Variants in TPP2 observed in about 807,000 individuals in gnomAD.
TPP2 encodes the protein tripeptidyl-peptidase 2.
TPP2 carries 34 observed loss-of-function variants against 155.9 expected under a neutral mutation model. The ratio of observed to expected loss-of-function variants is 0.22; its 90% confidence interval spans 0.17 to 0.29. The LOEUF (loss-of-function observed/expected upper bound fraction) is 0.29. TPP2 is among the 10% of genes least tolerant of loss of function. TPP2 has a pLI of 1.00. For synonymous variants in TPP2, 510 were observed against 529.4 expected (o/e 0.96, Z 0.50); for missense variants, 1,028 against 1,522.3 (o/e 0.68, Z 5.40).
At chr13:102,675,975 T>G (rs1885259610) in intron 28 of TPP2, among the ~76,000 whole-genome samples, 1 of 152,192 alleles carries the variant, frequency 6.6e-6, no homozygotes, top group African/African-American at 2.4e-5. Context: ...CATTTTTTAT[T>G]TCTATCCTGA....
At chr13:102,631,719 G>A (rs1423320354) in intron 10 of TPP2, among the ~76,000 whole-genome samples, 1 of 152,230 alleles carries the variant, frequency 6.6e-6, no homozygotes, top group Non-Finnish European at 1.5e-5. Flanking sequence ...CAAAGCAGAT[G>A]TTCTAAGAAT....
intron 19 of TPP2, among the ~76,000 whole-genome samples, chr13:102,645,894 G>A (rs1256360194): frequency 6.6e-6 from 1 of 152,198 alleles, no homozygotes; most frequent in East Asian, 1.9e-4. Flanking sequence ...GAGCAGCAGG[G>A]GTCTGGGGAG....
chr13:102,622,874 T>C lies in TPP2; in HGVS notation c.621-3T>C. ...ACTGTCTCCATTTCTTTTTAATTAATAGAGCCTGCATTGATTCTAATGAAG... is the reference window on the plus strand; with the variant it reads ...ACTGTCTCCATTTCTTTTTAATTAACAGAGCCTGCATTGATTCTAATGAAG... On this transcript the variant is annotated splice_region_variant and splice_polypyrimidine_tract_variant and intron_variant, in intron 5 of 29. Transcript: ENST00000376052. 6.3e-7 allele frequency: 1 copy of C among 1,595,146 alleles called. No homozygotes were observed. Among genetic ancestry groups the C allele is most frequent in the East Asian group, 2.2e-5 (1 of 44,792 alleles).
intron 10 of TPP2, chr13:102,631,163 A>C (rs1302072143): frequency 6.6e-6 from 1 of 152,252 alleles, no homozygotes; most frequent in Admixed American, 6.5e-5. Context: ...AGTATGTTTG[A>C]AGTATAAGAT....
chr13:102,604,068 G>A (rs569128639), intron 1 of TPP2, among the ~76,000 whole-genome samples: 7 of 152,260 alleles, frequency 4.6e-5, no homozygotes, highest in South Asian at 4.1e-4. Context: ...GAACAGCTGG[G>A]CGTGGGGATT....
At chr13:102,630,755 A>G (rs1881961493) in intron 10 of TPP2, among the ~76,000 whole-genome samples, 1 of 152,240 alleles carries the variant, frequency 6.6e-6, no homozygotes, top group South Asian at 2.1e-4. Flanking sequence ...CTGAAGAGGT[A>G]TATTAAGTCC....
At chr13:102,632,098 A>G (rs1172412587) in intron 10 of TPP2, among the ~76,000 whole-genome samples, 1 of 152,214 alleles carries the variant, frequency 6.6e-6, no homozygotes, top group Non-Finnish European at 1.5e-5. Flanking sequence ...TACTAAAAAT[A>G]TAAAATTTAG....
chr13:102,616,140 A>G (rs1313353381), intron 3 of TPP2, among the ~76,000 whole-genome samples: 2 of 152,114 alleles, frequency 1.3e-5, no homozygotes, highest in African/African-American at 4.8e-5. Flanking sequence ...TATTTTTAGT[A>G]GAGACGGGGT....
intron 3 of TPP2, 85 bp downstream of exon 3, chr13:102,614,281 TA>T (rs1880549817): frequency 1.6e-6 from 2 of 1,221,272 alleles, no homozygotes; most frequent in African/African-American, 3.1e-5. Flanking sequence ...GAAAAAGAAA[TA>T]TTTCATAAAA....
In TPP2 at chr13:102,619,448, C is replaced by CAA. The variant is rs543637192; in HGVS notation, c.620+604_620+605dup. ...CTTTAGGATTTCTGCAAAAAAAAAA[C>CAA]AAACAAACAGGGACTATTTCTTAAA... On this transcript the variant is annotated intron_variant, in intron 5 of 29. Transcript: ENST00000376052. 2.1e-3 allele frequency among the ~76,000 whole-genome samples: 303 copies of CAA among 143,086 alleles called. 3 individuals carry two copies. The highest frequency in any genetic ancestry group is 7.8e-3 in the African/African-American group (290 of 37,292). 93.9% of individuals were successfully genotyped at this position (143,086 alleles called of 152,430 possible).
chr13:102,645,143 A>C, intron 19 of TPP2, 134 bp downstream of exon 19: 5 of 821,980 alleles, frequency 6.1e-6, no homozygotes, highest in Non-Finnish European at 9.3e-6. Flanking sequence ...TTGCCAGCAG[A>C]TCTCTGCAAG....
At chr13:102,643,149 A>G in intron 16 of TPP2, 73 bp from the exon 17 acceptor site, 3 of 1,414,282 alleles carry the variant, frequency 2.1e-6, no homozygotes, top group African/African-American at 1.5e-5. Context: ...CTAAGTGGGC[A>G]TTATTAAAGC....
chr13:102,649,217 T>C, intron 22 of TPP2, 66 bp downstream of exon 22: 8 of 1,523,522 alleles, frequency 5.3e-6, no homozygotes, highest in Non-Finnish European at 6.1e-6. Context: ...AATGTCAGTT[T>C]ATGACATCTA....
Position 102,663,676 on chromosome 13 carries a change from T to C in TPP2, c.3172T>C (p.Leu1058=). The C allele has an allele frequency of 1.2e-6, 2 of 1,605,276 alleles. No homozygotes were observed. Among genetic ancestry groups the C allele is most frequent in the Non-Finnish European group, 1.7e-6 (2 of 1,177,210 alleles). Residue 1058 remains leucine (L), a synonymous_variant, in exon 26 of 30, where the codon TTG becomes CTG. Transcript: ENST00000376052. The part of the protein sequence containing the change: ...KLDSSDIYNE[L]KETYPNYLPL... ...GGATTCTAGTGACATTTATAACGAA[T>C]TGAAAGAAACATATCCTAATTATCT...
intron 5 of TPP2, among the ~76,000 whole-genome samples, chr13:102,620,590 CT>C (rs1309936239): frequency 6.6e-6 from 1 of 152,132 alleles, no homozygotes; most frequent in African/African-American, 2.4e-5. Context: ...GTGACCTATT[CT>C]TTAAGTACCG....
chr13:102,661,735 C>T (rs1281203599), intron 25 of TPP2, among the ~76,000 whole-genome samples: 1 of 152,128 alleles, frequency 6.6e-6, no homozygotes, highest in African/African-American at 2.4e-5. Flanking sequence ...AATACAACTT[C>T]ACACTTACTA....
intron 9 of TPP2, 140 bp from the exon 10 acceptor site, chr13:102,629,956 C>T (rs1881906673): frequency 1.4e-6 from 1 of 693,824 alleles, no homozygotes; most frequent in South Asian, 2.4e-5. Flanking sequence ...TTCCTTGTTT[C>T]CTTATTAAAT....
At chr13:102,643,505 C>A in intron 17 of TPP2, 129 bp downstream of exon 17, 19 of 951,188 alleles carry the variant, frequency 2.0e-5, no homozygotes, top group South Asian at 1.4e-4. Flanking sequence ...TTTTTTAATG[C>A]CAAAAAAATG....
rs562468562 is a variant in TPP2 at position 102,679,842 on chromosome 13, A to C, written c.*1526A>C. On this transcript the variant is annotated 3_prime_UTR_variant, in exon 30 of 30. Transcript: ENST00000376052. ...AATTAATTACAGACCTTGCTTTACA[A>C]CCCAGGTTTTGCTATTTCAGGTAAG... is the stretch of plus-strand genomic sequence containing the variant. 7.2e-4 allele frequency: 109 copies of C among 152,302 alleles called. No homozygotes were observed. Among genetic ancestry groups the C allele is most frequent in the African/African-American group, 2.6e-3 (106 of 41,568 alleles). The allele number at this position is 152,302 out of a possible 1,614,324, so 9.4% of individuals were successfully genotyped here. A position where few individuals can be genotyped will look rare whatever the true frequency, so the allele number is the denominator to read the frequency against.
Sources: allele counts gnomAD v4.1 joint callset (sites outside exome capture counted in the v4.1 genomes callset), GRCh38; gene constraint gnomAD v4.1.1; transcripts MANE v1.5; gene names NCBI Gene and HGNC (gene_info 2026-07-23, HGNC 2026-07-21).